The following DDHD1 variants were observed in gnomAD, a reference collection of about 807,000 sequenced individuals.
DDHD1 encodes DDHD domain containing 1.
In DDHD1, 49 loss-of-function variants were observed where a neutral mutation model predicts 96.4. The ratio of observed to expected loss-of-function variants is 0.51; its 90% CI spans 0.40 to 0.64. The LOEUF is 0.64. DDHD1 is among the 30% of genes least tolerant of loss of function. DDHD1 has a pLI of 0.00. For synonymous variants in DDHD1, 442 were observed against 446.5 expected, an observed-to-expected ratio of 0.99 and a Z score of 0.13; for missense variants, 1,106 against 1,161.2, an observed-to-expected ratio of 0.95 and a Z score of 0.69.
At chr14:53,076,612 TA>T in intron 4 of DDHD1, among the ~76,000 whole-genome samples, 1 of 152,280 alleles carries the variant, frequency 6.6e-6, no homozygotes, top group Non-Finnish European at 1.5e-5. Context: ...CTACAGTGGG[TA>T]AAACGCTCTC....
Position 53,152,300 on chromosome 14 carries a change from C to A in DDHD1, c.799G>T (p.Asp267Tyr). The change falls in exon 1 of 13, where the codon GAT becomes TAT. Residue 267 changes from aspartate to tyrosine, a missense_variant. Asp to Tyr is a radical substitution (Grantham distance 160, BLOSUM62 -3). This residue lies in a region of DDHD1 where 456 missense variants were observed against 402.4 expected (regional missense o/e 1.13). Coordinates refer to ENST00000673822, the MANE Select transcript of DDHD1 (RefSeq NM_001160148.2). Reference protein sequence around the residue: ...VCVRGGLYEVDVTQGECYPVY... With the variant: ...VCVRGGLYEVYVTQGECYPVY... ...GGGTAGCACTCTCCTTGGGTCACAT[C>A]CACCTCGTAGAGGCCGCCCCGCACG... is the stretch of plus-strand genomic sequence containing the variant. The A allele has an allele frequency of 6.2e-7, 1 of 1,613,494 alleles. No homozygotes were observed. The highest frequency in any genetic ancestry group is 1.7e-5 in the Admixed American group (1 of 59,988).
rs1474796723 is a variant in DDHD1, at chr14:53,038,455, A to C, written c.*8313T>G. The stretch of plus-strand genomic sequence containing the variant: ...AACTGAAATACTTAAAAATACACCT[A>C]ACCAAGGAGGTGAAAGATCTCTACA... On this transcript the variant is annotated 3_prime_UTR_variant, in exon 13 of 13. Coordinates refer to ENST00000673822, the MANE Select transcript of DDHD1 (RefSeq NM_001160148.2). 1.3e-5 allele frequency: 2 copies of C among 152,162 alleles called. No homozygotes were observed. The highest frequency in any genetic ancestry group is 2.9e-5 in the Non-Finnish European group (2 of 68,030). The allele number at this position is 152,162 out of a possible 1,614,324, so 9.4% of individuals were successfully genotyped here.
intron 1 of DDHD1, 65 bp from the exon 2 acceptor site, chr14:53,103,921 T>C (rs530331469): frequency 1.4e-4 from 200 of 1,430,526 alleles, no homozygotes; most frequent in Non-Finnish European, 1.8e-4. Flanking sequence ...AGAGACACAG[T>C]ATCTACAATC....
chr14:53,129,202 G>T (rs1384536181), intron 1 of DDHD1, among the ~76,000 whole-genome samples: 1 of 152,186 alleles, frequency 6.6e-6, no homozygotes. Context: ...GGGACAGGGG[G>T]ACTCCTTTGG....
intron 9 of DDHD1, among the ~76,000 whole-genome samples, chr14:53,056,938 G>C (rs1250210278): frequency 2.6e-5 from 4 of 152,102 alleles, no homozygotes; most frequent in Non-Finnish European, 2.9e-5. Flanking sequence ...AATAAAATGA[G>C]TATATGTTAA....
At chr14:53,076,333 G>A (rs564831263) in intron 4 of DDHD1, among the ~76,000 whole-genome samples, 1 of 152,270 alleles carries the variant, frequency 6.6e-6, no homozygotes, top group East Asian at 1.9e-4. Flanking sequence ...CTTCAATGAG[G>A]AAGTAACTGC....
rs997575308 is a variant in DDHD1, at chr14:53,044,521, G to C, written c.*2247C>G. ...ACCACCTACAGCAACATACGCTCAA[G>C]TACCTTTAACGATACAGTCATATAG... On this transcript the variant is annotated 3_prime_UTR_variant, in exon 13 of 13. Transcript: ENST00000673822. 1 of 152,160 alleles carries C rather than the reference G, an allele frequency of 6.6e-6. No individual in the cohort carries two copies. Among genetic ancestry groups the C allele is most frequent in the Admixed American group, 6.5e-5 (1 of 15,268 alleles). The allele number at this position is 152,160 out of a possible 1,614,324, so 9.4% of individuals were successfully genotyped here. A position where few individuals can be genotyped will look rare whatever the true frequency, so the allele number is the denominator to read the frequency against.
intron 1 of DDHD1, among the ~76,000 whole-genome samples, chr14:53,122,303 T>C (rs1377749231): frequency 6.6e-6 from 1 of 152,120 alleles, no homozygotes; most frequent in Admixed American, 6.5e-5. Context: ...TGGACTACTT[T>C]TTTAGCACCT....
intron 1 of DDHD1, among the ~76,000 whole-genome samples, chr14:53,139,100 C>T (rs1425137093): frequency 1.4e-5 from 2 of 144,896 alleles, no homozygotes; most frequent in Non-Finnish European, 3.0e-5. Flanking sequence ...ACCACACCCA[C>T]ACCCACACCC....
rs558669685 is a variant in DDHD1, at chr14:53,044,127, T to A, written c.*2641A>T. 2.2e-4 allele frequency: 34 copies of A among 152,276 alleles called. No individual in the cohort carries two copies. Among genetic ancestry groups the A allele is most frequent in the African/African-American group, 7.9e-4 (33 of 41,556 alleles). 9.4% of individuals were successfully genotyped at this position (152,276 alleles called of 1,614,324 possible). ...TATTAATTAAGTATATACAAATACA[T>A]CCAATGTTAACATGCACAGACATAG... On this transcript the variant is annotated 3_prime_UTR_variant, in exon 13 of 13. Coordinates refer to ENST00000673822, the MANE Select transcript of DDHD1 (RefSeq NM_001160148.2).
At chr14:53,124,291 A>G (rs1202795731) in intron 1 of DDHD1, among the ~76,000 whole-genome samples, 3 of 151,702 alleles carry the variant, frequency 2.0e-5, no homozygotes, top group Non-Finnish European at 4.4e-5. Flanking sequence ...TTTAATTGGT[A>G]AATGGAATGA....
At chr14:53,063,418 A>T (rs1476633014) in intron 6 of DDHD1, among the ~76,000 whole-genome samples, 3 of 152,058 alleles carry the variant, frequency 2.0e-5, no homozygotes, top group Non-Finnish European at 4.4e-5. Context: ...ACATAGGCAG[A>T]TACTACCTAC....
At chr14:53,094,955 G>C (rs1323620144) in intron 2 of DDHD1, among the ~76,000 whole-genome samples, 1 of 152,022 alleles carries the variant, frequency 6.6e-6, no homozygotes, top group African/African-American at 2.4e-5. Context: ...GAATTCGTAA[G>C]CCCCAGGAGC....
chr14:53,077,681 T>A lies in DDHD1; in HGVS notation c.1290-3834A>T, dbSNP rs867461561. On this transcript the variant is annotated intron_variant, in intron 4 of 12. Transcript: ENST00000673822. Reference sequence around the variant, plus strand: ...AGTTTTTGTTTTTGTTTTTTTTTTTTAAAAAACAATTGTGGCTTTTAGTAT... The same window carrying A: ...AGTTTTTGTTTTTGTTTTTTTTTTTAAAAAAACAATTGTGGCTTTTAGTAT... 3.6e-3 allele frequency among the ~76,000 whole-genome samples: 534 copies of A among 149,726 alleles called. 4 individuals carry two copies. Among genetic ancestry groups the A allele is most frequent in the African/African-American group, 9.4e-3 (381 of 40,520 alleles).
In DDHD1 at chr14:53,055,912, C is replaced by G; in HGVS notation, c.1993G>C (p.Ala665Pro). ...LNIFHPTDPV[A>P]YRLEPLILKH... ...AGTATTAATGGTTCTAATCTATAAG[C>G]CTTGATTTAAAAAAAAAAATTCAAA... Residue 665 changes from alanine to proline, a missense_variant and splice_region_variant, in exon 10 of 13, where the codon GCT becomes CCT. Ala to Pro is a conservative substitution (Grantham distance 27). Transcript: ENST00000673822. 6.3e-7 allele frequency: 1 copy of G among 1,595,752 alleles called. No homozygotes were observed. The highest frequency in any genetic ancestry group is 8.5e-7 in the Non-Finnish European group (1 of 1,172,312).
intron 4 of DDHD1, among the ~76,000 whole-genome samples, chr14:53,081,960 A>C (rs1462875779): frequency 6.6e-6 from 1 of 152,164 alleles, no homozygotes; most frequent in African/African-American, 2.4e-5. Flanking sequence ...GAGAGGGAAG[A>C]GAGAAGTTGG....
At chr14:53,139,375 G>A (rs1351068766) in intron 1 of DDHD1, among the ~76,000 whole-genome samples, 1 of 152,134 alleles carries the variant, frequency 6.6e-6, no homozygotes, top group Admixed American at 6.5e-5. Context: ...AGATAAAGGT[G>A]GAAAGGGAAA....
At chr14:53,097,082 T>C (rs192713409) in intron 2 of DDHD1, among the ~76,000 whole-genome samples, 3 of 152,140 alleles carry the variant, frequency 2.0e-5, no homozygotes, top group Admixed American at 2.0e-4. Context: ...ACCTTACAAA[T>C]TAGTTTCTCA....
intron 1 of DDHD1, among the ~76,000 whole-genome samples, chr14:53,120,219 A>G (rs567511482): frequency 2.6e-5 from 4 of 152,292 alleles, no homozygotes; most frequent in Admixed American, 6.5e-5. Flanking sequence ...GCAAAATAGA[A>G]TATCTAGGAA....
Sources: gnomAD v4.1 joint callset for allele counts (sites outside exome capture counted in the v4.1 genomes callset) on GRCh38, gnomAD v4.1.1 for gene constraint, gnomAD v4.1.1 regional missense constraint, MANE v1.5 for transcripts, NCBI Gene and HGNC (gene_info 2026-07-23, HGNC 2026-07-21) for gene names.